The following PLEKHH1 variants were observed in gnomAD, a reference collection of about 807,000 sequenced individuals.
The protein encoded by PLEKHH1 is pleckstrin homology domain-containing family H member 1.
Under a neutral mutation model 160.0 loss-of-function variants are expected in PLEKHH1, and 104 were observed. The observed-to-expected ratio is 0.65, with a 90% CI of 0.55 to 0.76. The LOEUF (loss-of-function observed/expected upper bound fraction) is 0.76. Ranked by LOEUF, PLEKHH1 falls within the 30% of genes least tolerant of loss-of-function variation. The probability of loss-of-function intolerance (pLI) is 0.00; values close to 1 mark genes in which losing one functional copy is unlikely to be tolerated. For synonymous variants in PLEKHH1, 619 were observed against 678.4 expected, an observed-to-expected ratio of 0.91 and a Z score of 1.36; for missense variants, 1,427 against 1,724.1, an observed-to-expected ratio of 0.83 and a Z score of 3.05.
chr14:67,578,616 G>A lies in PLEKHH1; in HGVS notation c.2834G>A (p.Arg945His), dbSNP rs760829903. 7 of 1,606,762 alleles carry A rather than the reference G, an allele frequency of 4.4e-6. No individual in the cohort carries two copies. Among genetic ancestry groups the A allele is most frequent in the Non-Finnish European group, 6.0e-6 (7 of 1,175,928 alleles). Reference sequence around the variant, plus strand: ...TGGTATGTCAAGCAGCAGCTCCAACGCCATGCAGATCCCAGGTGAGTGAAC... The same window carrying A: ...TGGTATGTCAAGCAGCAGCTCCAACACCATGCAGATCCCAGGTGAGTGAAC... The part of the protein sequence containing the change: ...FLWYVKQQLQ[R>H]HADPRSETGQ... The change falls in exon 20 of 29, where the codon CGC becomes CAC. Residue 945 changes from arginine to histidine, a missense_variant. Coordinates refer to ENST00000329153, the MANE Select transcript of PLEKHH1 (RefSeq NM_020715.3). The surrounding 1 kb of genome is among the most constrained non-coding windows in gnomAD (Gnocchi z 5.0).
Position 67,562,365 on chromosome 14 carries a change from A to G in PLEKHH1, c.734A>G (p.His245Arg). The G allele has an allele frequency of 1.2e-6, 2 of 1,613,698 alleles. No individual in the cohort carries two copies. The highest frequency in any genetic ancestry group is 1.7e-6 in the Non-Finnish European group (2 of 1,179,636). Residue 245 changes from histidine to arginine, a missense_variant, in exon 7 of 29, where the codon CAT (histidine) becomes CGT (arginine). Physicochemically the swap from His to Arg is conservative, Grantham distance 29. Around this residue, in one of 6 missense-constraint regions of PLEKHH1, gnomAD observed 831 missense variants for 929.2 expected, o/e 0.89. Coordinates refer to ENST00000329153, the MANE Select transcript of PLEKHH1 (RefSeq NM_020715.3). ...PLEDSSSSTV[H>R]SGETVEAKPL... ...GAGGATTCTAGTTCCAGCACGGTCC[A>G]TTCTGGGGAAACAGTAGAGGCCAAG...
intron 2 of PLEKHH1, among the ~76,000 whole-genome samples, chr14:67,547,822 A>AT (rs2140351731): frequency 6.6e-6 from 1 of 152,292 alleles, no homozygotes; most frequent in South Asian, 2.1e-4. Flanking sequence ...GCTAAAAAGA[A>AT]TTTTTTTAAA....
chr14:67,542,944 C>T (rs1015494248), intron 2 of PLEKHH1, among the ~76,000 whole-genome samples: 4 of 152,104 alleles, frequency 2.6e-5, no homozygotes, highest in East Asian at 1.9e-4. Flanking sequence ...AGGTGATCCT[C>T]GCCTCAGGTG....
Position 67,589,018 on chromosome 14 carries a change from A to G in PLEKHH1, c.*1783A>G, listed in dbSNP as rs2036282151. ...TCTAGCTGAGACATTTCTACCTCGA[A>G]CAAGTCACATGTACCACAGGTTCCT... On this transcript the variant is annotated 3_prime_UTR_variant, in exon 29 of 29. Coordinates refer to ENST00000329153, the MANE Select transcript of PLEKHH1 (RefSeq NM_020715.3). The G allele has an allele frequency of 6.5e-6, 1 of 152,672 alleles. No individual in the cohort carries two copies. Among genetic ancestry groups the G allele is most frequent in the African/African-American group, 2.4e-5 (1 of 41,468 alleles). The allele number at this position is 152,672 out of a possible 1,614,324, so 9.5% of individuals were successfully genotyped here.
intron 7 of PLEKHH1, among the ~76,000 whole-genome samples, chr14:67,564,654 C>T (rs184349204): frequency 7.4e-4 from 110 of 148,060 alleles, no homozygotes; most frequent in African/African-American, 2.6e-3. Context: ...GACAGGGTTT[C>T]ACTATGTTGG....
At chr14:67,535,377 T>C (rs2033668196) in intron 1 of PLEKHH1, among the ~76,000 whole-genome samples, 1 of 133,560 alleles carries the variant, frequency 7.5e-6, no homozygotes, top group Non-Finnish European at 1.6e-5. Flanking sequence ...CATCTTTTTT[T>C]TTTTTTTTTT....
chr14:67,562,296 C>G lies in PLEKHH1; in HGVS notation c.665C>G (p.Ala222Gly). 2 of 1,613,840 alleles carry G rather than the reference C, an allele frequency of 1.2e-6. No homozygotes were observed. Among genetic ancestry groups the G allele is most frequent in the Non-Finnish European group, 1.7e-6 (2 of 1,179,818 alleles). The change falls in exon 7 of 29, where the codon GCC becomes GGC. Residue 222 changes from alanine (A) to glycine (G), a missense_variant. Transcript: ENST00000329153. ...KAAVLAPSPG[A>G]LQSKDSVSEA... is the part of the protein sequence containing the mutation. ...GCTGTGCTTGCACCTTCCCCAGGTG[C>G]CCTGCAGAGCAAGGACTCTGTTTCT...
rs2034881287 is a variant in PLEKHH1 at position 67,562,376 on chromosome 14, A to G, written c.745A>G (p.Thr249Ala). The G allele has an allele frequency of 6.2e-7, 1 of 1,613,426 alleles. No homozygotes were observed. Among genetic ancestry groups the G allele is most frequent in the Non-Finnish European group, 8.5e-7 (1 of 1,179,562 alleles). ...TTCCAGCACGGTCCATTCTGGGGAA[A>G]CAGTAGAGGCCAAGCCCCTTCAACC... The part of the protein sequence containing the change: ...SSSSTVHSGE[T>A]VEAKPLQPHL... Residue 249 changes from threonine (T) to alanine (A), a missense_variant, in exon 7 of 29, where the codon ACA becomes GCA. By Grantham distance (58) the Thr-to-Ala change is moderately conservative. Around this residue, in one of 6 missense-constraint regions of PLEKHH1, gnomAD observed 831 missense variants for 929.2 expected, o/e 0.89. Transcript: ENST00000329153.
intron 2 of PLEKHH1, among the ~76,000 whole-genome samples, chr14:67,553,158 C>A (rs963944880): frequency 6.6e-6 from 1 of 152,156 alleles, no homozygotes; most frequent in Non-Finnish European, 1.5e-5. Context: ...ATCAGCCAAT[C>A]GTTTCAGAAT....
intron 15 of PLEKHH1, 94 bp downstream of exon 15, chr14:67,575,566 T>A: frequency 1.2e-6 from 1 of 823,020 alleles, no homozygotes; most frequent in Non-Finnish European, 2.1e-6. Context: ...CTACCCCACG[T>A]AACCCCACAA....
intron 2 of PLEKHH1, among the ~76,000 whole-genome samples, chr14:67,549,033 T>C (rs932181458): frequency 2.6e-5 from 4 of 152,164 alleles, no homozygotes; most frequent in Non-Finnish European, 5.9e-5. Flanking sequence ...TCACAACATA[T>C]GGGTAGCCCA....
chr14:67,587,062 ACCT>A lies in PLEKHH1; in HGVS notation c.3934-7_3934-5del. 1 of 1,579,110 alleles carries A rather than the reference ACCT, an allele frequency of 6.3e-7. No homozygotes were observed. On this transcript the variant is annotated splice_polypyrimidine_tract_variant and intron_variant, in intron 28 of 28. Transcript: ENST00000329153. ...CTAGTTCAATTCCTTCACATCTCTG[ACCT>A]CCTCTTAGATTGCAGAAGCTACCTT...
chr14:67,552,163 T>C (rs1292076726), intron 2 of PLEKHH1, among the ~76,000 whole-genome samples: 1 of 152,168 alleles, frequency 6.6e-6, no homozygotes, highest in East Asian at 1.9e-4. Flanking sequence ...CTGGTGAAAG[T>C]AGATCCCTGT....
chr14:67,574,452 G>C lies in PLEKHH1; in HGVS notation c.2088+49G>C. On this transcript the variant is annotated intron_variant, in intron 14 of 28. Coordinates refer to ENST00000329153, the MANE Select transcript of PLEKHH1 (RefSeq NM_020715.3). This position sits in a 1 kb window ranked among gnomAD's most constrained non-coding sequence, Gnocchi z 4.2. ...AGGAACATGTGCCTCCTGCGAATCAGGGGAGCCAGGATTGGGGTGCCGAGG... is the reference window on the plus strand; with the variant it reads ...AGGAACATGTGCCTCCTGCGAATCACGGGAGCCAGGATTGGGGTGCCGAGG... The C allele has an allele frequency of 7.1e-7, 1 of 1,403,288 alleles. No homozygotes were observed. The highest frequency in any genetic ancestry group is 1.4e-5 in the African/African-American group (1 of 69,360). 86.9% of individuals were successfully genotyped at this position (1,403,288 alleles called of 1,614,324 possible).
In PLEKHH1 at chr14:67,573,750, C is replaced by G; in HGVS notation, c.1840-51C>G. On this transcript the variant is annotated intron_variant, in intron 12 of 28. Transcript: ENST00000329153. The surrounding 1 kb of genome is among the most constrained non-coding windows in gnomAD (Gnocchi z 4.8). ...AAGATCTGAGGGTAAATGAGGTGCT[C>G]CGGAAAGGCTCCACATTCAGTGGCT... The G allele has an allele frequency of 8.4e-7, 1 of 1,196,958 alleles. No individual in the cohort carries two copies. The highest frequency in any genetic ancestry group is 1.3e-6 in the Non-Finnish European group (1 of 798,756). 74.1% of individuals were successfully genotyped at this position (1,196,958 alleles called of 1,614,324 possible).
At chr14:67,539,945 G>A (rs1226309947) in intron 1 of PLEKHH1, among the ~76,000 whole-genome samples, 2 of 152,120 alleles carry the variant, frequency 1.3e-5, no homozygotes, top group Non-Finnish European at 1.5e-5. Flanking sequence ...AGAAAAATAC[G>A]AATAAAAGTC....
At chr14:67,568,371 CACTT>C (rs759301079) in intron 7 of PLEKHH1, among the ~76,000 whole-genome samples, 3 of 152,092 alleles carry the variant, frequency 2.0e-5, no homozygotes, top group Admixed American at 6.6e-5. Flanking sequence ...TGCATGTTCT[CACTT>C]ACAAGTGGGA....
In PLEKHH1 at chr14:67,562,430, C is replaced by G. The variant is rs374262053; in HGVS notation, c.799C>G (p.Gln267Glu). 2 of 1,613,782 alleles carry G rather than the reference C, an allele frequency of 1.2e-6. No individual in the cohort carries two copies. The highest frequency in any genetic ancestry group is 2.7e-5 in the African/African-American group (2 of 74,936). Residue 267 changes from glutamine (Q) to glutamate (E), a missense_variant, in exon 7 of 29, where the codon CAG becomes GAG. Physicochemically the swap from Gln to Glu is conservative, Grantham distance 29 (BLOSUM62 2). Coordinates refer to ENST00000329153, the MANE Select transcript of PLEKHH1 (RefSeq NM_020715.3). ...TCTGGGAAGAGAGAGCCCTCCCCAC[C>G]AGCCATGCATGAAGCTTCTTACCTT... ...PHLGRESPPH[Q>E]PCMKLLTFRC...
In PLEKHH1 at chr14:67,582,661, T is replaced by A. The variant is rs369766220; in HGVS notation, c.3426+451T>A. ...AAACCCTGTCTCTACTGAAAAAAAA[T>A]AAAATAAAATAAAATAAAAATAAAA... On this transcript the variant is annotated intron_variant, in intron 24 of 28. Coordinates refer to ENST00000329153, the MANE Select transcript of PLEKHH1 (RefSeq NM_020715.3). This position sits in a 1 kb window ranked among gnomAD's most constrained non-coding sequence, Gnocchi z 5.0. 2.1e-5 allele frequency among the ~76,000 whole-genome samples: 3 copies of A among 142,640 alleles called. No individual in the cohort carries two copies. The highest frequency in any genetic ancestry group is 5.2e-5 in the African/African-American group (2 of 38,266). The allele number at this position is 142,640 out of a possible 152,430, so 93.6% of individuals were successfully genotyped here.
Sources: gnomAD v4.1 joint callset for allele counts (sites outside exome capture counted in the v4.1 genomes callset) on GRCh38, gnomAD v4.1.1 for gene constraint, gnomAD v4.1.1 regional missense constraint, Gnocchi (gnomAD v3.1) non-coding constraint, MANE v1.5 for transcripts, NCBI Gene and HGNC (gene_info 2026-07-23, HGNC 2026-07-21) for gene names.